Variants in HK2 observed in about 807,000 individuals in gnomAD.
The protein encoded by HK2 is hexokinase-2.
In HK2, 42 loss-of-function variants were observed where a neutral mutation model predicts 92.9. The observed-to-expected ratio is 0.45, with a 90% CI of 0.35 to 0.58. HK2 has a LOEUF of 0.58. Ranked by LOEUF, HK2 falls within the 20% of genes least tolerant of loss-of-function variation. HK2 has a pLI of 0.00. For missense variants in HK2, 978 were observed against 1,245.1 expected (o/e 0.79, Z 3.23); for synonymous variants, 422 against 468.0 (o/e 0.90, Z 1.27).
chr2:74,836,817 T>A (rs75168160), intron 1 of HK2, among the ~76,000 whole-genome samples: 1,721 of 152,282 alleles, frequency 0.011, 39 homozygotes, highest in African/African-American at 0.04. Context: ...GAGAGAAGAA[T>A]GAAAATTTAG....
rs754446518 is a variant in HK2, at chr2:74,834,690, T to C, written c.63+47T>C. Reference sequence around the variant, plus strand: ...GGCAGGCTGGGCTCTGGCAAAGTGGTCTGGCCTCCATCAGTCTCTTCCTCG... The same window carrying C: ...GGCAGGCTGGGCTCTGGCAAAGTGGCCTGGCCTCCATCAGTCTCTTCCTCG... On this transcript the variant is annotated intron_variant, in intron 1 of 17. Transcript: ENST00000290573. This position sits in a 1 kb window ranked among gnomAD's most constrained non-coding sequence, Gnocchi z 4.2. 4 of 1,586,652 alleles carry C rather than the reference T, an allele frequency of 2.5e-6. No individual in the cohort carries two copies. Among genetic ancestry groups the C allele is most frequent in the Non-Finnish European group, 3.5e-6 (4 of 1,155,154 alleles).
rs1688642331 is a variant in HK2 at position 74,854,317 on chromosome 2, C to CT, written c.88_89insT (p.Arg30LeufsTer4). The CT allele has an allele frequency of 6.2e-7, 1 of 1,612,796 alleles. No individual in the cohort carries two copies. The highest frequency in any genetic ancestry group is 8.5e-7 in the Non-Finnish European group (1 of 1,180,018). On this transcript the variant is annotated frameshift_variant, in exon 2 of 18. Transcript: ENST00000290573. LOFTEE classifies it high-confidence loss of function. ...GGTTGACCAGTATCTCTACCACATGCGCCTCTCTGATGAGACCCTCTTGGA... is the reference window on the plus strand; with the variant it reads ...GGTTGACCAGTATCTCTACCACATGCTGCCTCTCTGATGAGACCCTCTTGGA...
At chr2:74,851,732 G>A (rs1433126305) in intron 1 of HK2, among the ~76,000 whole-genome samples, 2 of 152,320 alleles carry the variant, frequency 1.3e-5, no homozygotes, top group South Asian at 4.1e-4. Context: ...GTAGTGAGGT[G>A]AGAGTGTCTT....
rs141498900 is a variant in HK2 at position 74,856,924 on chromosome 2, G to A, written c.226+2469G>A. ...TTTTGGAACGGAGTTGGGACTGATT[G>A]TTTGGACTGTATTATAGGCAGGTGA... On this transcript the variant is annotated intron_variant, in intron 2 of 17. Transcript: ENST00000290573. Among the ~76,000 whole-genome samples the A allele has an allele frequency of 1.3e-3, 201 of 152,350 alleles. 2 individuals carry two copies. Among genetic ancestry groups the A allele is most frequent in the African/African-American group, 4.4e-3 (184 of 41,582 alleles).
At chr2:74,873,445 G>T in intron 5 of HK2, 74 bp downstream of exon 5, 1 of 969,810 alleles carries the variant, frequency 1.0e-6, no homozygotes, top group South Asian at 1.3e-5. Context: ...GAGTGTCCTT[G>T]ACTCATCATT....
intron 1 of HK2, among the ~76,000 whole-genome samples, chr2:74,846,462 C>G (rs1402419098): frequency 6.6e-6 from 1 of 152,218 alleles, no homozygotes; most frequent in East Asian, 1.9e-4. Context: ...CAAGTGTAAT[C>G]ACTGTCCTGA....
intron 2 of HK2, among the ~76,000 whole-genome samples, chr2:74,863,625 T>A (rs1364289573): frequency 6.6e-6 from 1 of 152,202 alleles, no homozygotes; most frequent in Non-Finnish European, 1.5e-5. Context: ...TGGAGATGTA[T>A]CTTTTCGGTC....
intron 15 of HK2, 111 bp from the exon 16 acceptor site, chr2:74,887,792 C>A: frequency 1.1e-6 from 1 of 944,246 alleles, no homozygotes; most frequent in Non-Finnish European, 1.7e-6. Context: ...TCAGGGGAGT[C>A]TGCCTGTCTG....
chr2:74,887,613 C>A (rs1263992971), intron 15 of HK2, among the ~76,000 whole-genome samples: 1 of 151,926 alleles, frequency 6.6e-6, no homozygotes, highest in East Asian at 2.0e-4. Flanking sequence ...CGAAATAAGC[C>A]TTGGAAAGGA....
intron 11 of HK2, 37 bp downstream of exon 11, chr2:74,881,896 T>C: frequency 6.2e-7 from 1 of 1,609,762 alleles, no homozygotes; most frequent in Admixed American, 1.7e-5. Context: ...GGGCCCCTGG[T>C]GGACGTCACC....
intron 2 of HK2, among the ~76,000 whole-genome samples, chr2:74,857,487 A>G (rs564029733): frequency 6.6e-5 from 10 of 152,254 alleles, no homozygotes; most frequent in Middle Eastern, 6.8e-3. Flanking sequence ...TGGCTGAATA[A>G]TGTTCATTAC....
Position 74,840,711 on chromosome 2 carries a change from CAAA to C in HK2, c.63+6084_63+6086del, listed in dbSNP as rs34885061. On this transcript the variant is annotated intron_variant, in intron 1 of 17. Coordinates refer to ENST00000290573, the MANE Select transcript of HK2 (RefSeq NM_000189.5). ...TGAAACCCCGTCTCTACTAAAAATA[CAAA>C]AAAAAAAAAAAAAAATTAGCCGGGC... Among the ~76,000 whole-genome samples, 183 of 129,178 alleles carry C rather than the reference CAAA, an allele frequency of 1.4e-3. 2 individuals are homozygous for C. The highest frequency in any genetic ancestry group is 3.7e-3 in the Middle Eastern group (1 of 272). The allele number at this position is 129,178 out of a possible 152,430, so 84.7% of individuals were successfully genotyped here.
chr2:74,874,250 T>A lies in HK2; in HGVS notation c.692-16T>A. ...GCCGGAGCAGGCGTGTGCATAGCCG[T>A]CCCTTGTTTTGGCAGGCACGGGCAG... On this transcript the variant is annotated splice_polypyrimidine_tract_variant and intron_variant, in intron 6 of 17. Transcript: ENST00000290573. 1 of 1,613,792 alleles carries A rather than the reference T, an allele frequency of 6.2e-7. No homozygotes were observed. Among genetic ancestry groups the A allele is most frequent in the Non-Finnish European group, 8.5e-7 (1 of 1,179,948 alleles).
chr2:74,878,349 C>G (rs761446342), intron 8 of HK2, among the ~76,000 whole-genome samples: 1 of 152,048 alleles, frequency 6.6e-6, no homozygotes, highest in Non-Finnish European at 1.5e-5. Flanking sequence ...GCACCAAGAA[C>G]AGGGCCTTGT....
At chr2:74,861,704 G>A (rs3771776) in intron 2 of HK2, among the ~76,000 whole-genome samples, 6,918 of 152,220 alleles carry the variant, frequency 0.045, 238 homozygotes, top group East Asian at 0.19. Flanking sequence ...AGTTTCTAGG[G>A]AAAATCAGAT....
chr2:74,877,306 T>C lies in HK2; in HGVS notation c.1016T>C (p.Ile339Thr). ...LNTGRFETKD[I>T]SDIEGEKDGI... ...ACCGGTCGCTTTGAGACCAAAGACA[T>C]CTCAGACATTGAAGGGTGAGCTTCT... The change falls in exon 8 of 18, where the codon ATC becomes ACC. Residue 339 changes from isoleucine to threonine, a missense_variant. Ile to Thr is a moderately conservative substitution (Grantham distance 89, BLOSUM62 -1). Around this residue, in one of 3 missense-constraint regions of HK2, gnomAD observed 742 missense variants for 922.5 expected, o/e 0.80. Coordinates refer to ENST00000290573, the MANE Select transcript of HK2 (RefSeq NM_000189.5). 6.2e-7 allele frequency: 1 copy of C among 1,612,666 alleles called. No individual in the cohort carries two copies.
rs1688115128 is a variant in HK2 at position 74,834,880 on chromosome 2, G to A, written c.63+237G>A. Among the ~76,000 whole-genome samples, 2 of 152,120 alleles carry A rather than the reference G, an allele frequency of 1.3e-5. No individual in the cohort carries two copies. The highest frequency in any genetic ancestry group is 4.8e-5 in the African/African-American group (2 of 41,428). On this transcript the variant is annotated intron_variant, in intron 1 of 17. Transcript: ENST00000290573. This position sits in a 1 kb window ranked among gnomAD's most constrained non-coding sequence, Gnocchi z 4.2. ...GCTCCGCCGGGCGCCCTCCCTCCCTGAGCTCCGGCACGCGCTCACGCTCTC... is the reference window on the plus strand; with the variant it reads ...GCTCCGCCGGGCGCCCTCCCTCCCTAAGCTCCGGCACGCGCTCACGCTCTC...
chr2:74,881,658 C>A, intron 10 of HK2, 53 bp from the exon 11 acceptor site: 1 of 1,593,924 alleles, frequency 6.3e-7, no homozygotes, highest in South Asian at 1.1e-5. Flanking sequence ...GTACTGTCTC[C>A]ACATTCCCCA....
At chr2:74,883,739 G>A (rs189043669) in intron 12 of HK2, among the ~76,000 whole-genome samples, 6 of 152,198 alleles carry the variant, frequency 3.9e-5, no homozygotes, top group African/African-American at 1.2e-4. Context: ...CCAGACTAGC[G>A]TTGCTTTATG....
Sources: allele counts gnomAD v4.1 joint callset (sites outside exome capture counted in the v4.1 genomes callset), GRCh38; gene constraint gnomAD v4.1.1; regional missense constraint gnomAD v4.1.1; non-coding constraint Gnocchi (gnomAD v3.1); transcripts MANE v1.5; gene names NCBI Gene and HGNC (gene_info 2026-07-23, HGNC 2026-07-21).